ARSG: variants seen among roughly 807,000 people sequenced by gnomAD.
ARSG encodes arylsulfatase G.
A neutral mutation model predicts 50.5 loss-of-function variants in ARSG; 37 were observed. The observed-to-expected ratio is 0.73, with a 90% confidence interval of 0.56 to 0.96. The LOEUF (loss-of-function observed/expected upper bound fraction) is 0.96. Ranked by LOEUF, ARSG falls within the 50% of genes least tolerant of loss-of-function variation. ARSG has a pLI of 0.00. For missense variants in ARSG, 629 were observed against 675.3 expected (o/e 0.93, Z 0.76); for synonymous variants, 225 against 254.6 (o/e 0.88, Z 1.11).
intron 3 of ARSG, 189 bp from the exon 4 acceptor site, chr17:68,346,936 G>A: frequency 6.6e-7 from 1 of 1,506,990 alleles, no homozygotes; most frequent in Non-Finnish European, 8.9e-7. Context: ...CATCCTTTAT[G>A]TGTCCCTGTG....
intron 11 of ARSG, among the ~76,000 whole-genome samples, chr17:68,402,845 G>A (rs1247788502): frequency 1.3e-5 from 2 of 152,134 alleles, no homozygotes; most frequent in East Asian, 3.9e-4. Context: ...CTAGTTTTAA[G>A]CTTTCTAAAT....
the ARSG span, chr17:68,450,706 C>A: frequency 6.3e-7 from 1 of 1,596,584 alleles, no homozygotes; most frequent in Non-Finnish European, 8.5e-7. Flanking sequence ...GCTTTGAAAC[C>A]CTGAGGGATT....
At chr17:68,401,116 C>T (rs576402936) in intron 10 of ARSG, 130 of 486,260 alleles carry the variant, frequency 2.7e-4, no homozygotes, top group African/African-American at 2.4e-3. Flanking sequence ...GTTGACCTCC[C>T]AGGCTCAAAC....
At chr17:68,450,309 G>T in the ARSG span, among the ~76,000 whole-genome samples, 899 of 152,320 alleles carry the variant, frequency 5.9e-3, 15 homozygotes, top group African/African-American at 0.02. Flanking sequence ...TCACTCTCAG[G>T]CATCTCCTGC....
At chr17:68,350,570 G>C (rs1176877357) in intron 4 of ARSG, among the ~76,000 whole-genome samples, 1 of 152,078 alleles carries the variant, frequency 6.6e-6, no homozygotes, top group African/African-American at 2.4e-5. Flanking sequence ...TGTATCACGA[G>C]GTCAGGAGAT....
In ARSG at chr17:68,367,525, C is replaced by G. The variant is rs1417880174; in HGVS notation, c.705-1023C>G. On this transcript the variant is annotated intron_variant, in intron 6 of 11. Transcript: ENST00000621439. The surrounding 1 kb of genome is among the most constrained non-coding windows in gnomAD (Gnocchi z 4.5). ...GGATGGATCTGTGGGAGAGGGGCCC[C>G]CTGAAGGTCCCTGCCACCGTTGTGA... 6.6e-6 allele frequency among the ~76,000 whole-genome samples: 1 copy of G among 152,132 alleles called. No homozygotes were observed. The highest frequency in any genetic ancestry group is 1.5e-5 in the Non-Finnish European group (1 of 68,032).
chr17:68,446,700 T>C, the ARSG span, among the ~76,000 whole-genome samples: 1 of 152,214 alleles, frequency 6.6e-6, no homozygotes, highest in Non-Finnish European at 1.5e-5. Flanking sequence ...GATATCCTCT[T>C]GTGTCCCCTC....
At chr17:68,266,492 A>G (rs1207077678) in intron 1 of ARSG, among the ~76,000 whole-genome samples, 2 of 146,412 alleles carry the variant, frequency 1.4e-5, no homozygotes, top group Non-Finnish European at 3.0e-5. Context: ...TTTTGTATAA[A>G]AAGTATACAA....
At chr17:68,450,545 C>T in the ARSG span, among the ~76,000 whole-genome samples, 3 of 152,208 alleles carry the variant, frequency 2.0e-5, no homozygotes, top group African/African-American at 2.4e-5. Flanking sequence ...GGGAAAACAA[C>T]GTTACAACCA....
intron 8 of ARSG, among the ~76,000 whole-genome samples, chr17:68,377,051 G>A (rs1026131653): frequency 1.3e-5 from 2 of 152,096 alleles, no homozygotes; most frequent in Admixed American, 6.5e-5. Context: ...TAGTAGAGAC[G>A]GGGTTTCACC....
At chr17:68,268,963 C>T (rs2075239991) in intron 1 of ARSG, 1 of 1,497,238 alleles carries the variant, frequency 6.7e-7, no homozygotes, top group Non-Finnish European at 9.0e-7. Context: ...GTGCTCTTCA[C>T]ATACACATTC....
the ARSG span, chr17:68,434,770 T>C: frequency 7.9e-6 from 6 of 757,722 alleles, no homozygotes; most frequent in African/African-American, 3.5e-5. Flanking sequence ...GGCATGTTTA[T>C]TTATGTGCCA....
the ARSG span, chr17:68,434,513 C>G: frequency 4.4e-6 from 7 of 1,608,736 alleles, no homozygotes; most frequent in African/African-American, 2.7e-5. Flanking sequence ...CCCTGCGGGA[C>G]TTCTGCGGGG....
chr17:68,357,597 A>G (rs1417355160), intron 6 of ARSG, among the ~76,000 whole-genome samples: 2 of 152,180 alleles, frequency 1.3e-5, no homozygotes, highest in Admixed American at 1.3e-4. Context: ...CAGGAATTAG[A>G]CCCTGCTTAT....
chr17:68,420,906 T>C (rs1414192334), downstream of ARSG: 1 of 174,710 alleles, frequency 5.7e-6, no homozygotes, highest in Admixed American at 5.5e-5. Flanking sequence ...TCCATTCTAA[T>C]TAGTATTTAG....
At chr17:68,428,504 A>G in the ARSG span, 2 of 225,666 alleles carry the variant, frequency 8.9e-6, no homozygotes. Context: ...AAGTGCCGGG[A>G]TTACAGGTGT....
intron 2 of ARSG, among the ~76,000 whole-genome samples, chr17:68,341,701 C>T (rs1315435669): frequency 6.6e-6 from 1 of 152,150 alleles, no homozygotes; most frequent in Non-Finnish European, 1.5e-5. Flanking sequence ...TCTTGTCACT[C>T]AATGTCTTGT....
upstream of ARSG, among the ~76,000 whole-genome samples, chr17:68,289,192 A>T (rs903621700): frequency 2.0e-5 from 3 of 152,126 alleles, no homozygotes; most frequent in Admixed American, 6.6e-5. Flanking sequence ...CAAAAAAATT[A>T]AAAAATGAGG....
rs1354282470 is a variant in ARSG at position 68,342,385 on chromosome 17, G to C, written c.219-1219G>C. On this transcript the variant is annotated intron_variant, in intron 2 of 11. Transcript: ENST00000621439. ...TTTTTTTTTTTTGAGTTGGAGTCTTGCTCTGTCACCCAGGCTGGAGTGCAG... is the reference window on the plus strand; with the variant it reads ...TTTTTTTTTTTTGAGTTGGAGTCTTCCTCTGTCACCCAGGCTGGAGTGCAG... Among the ~76,000 whole-genome samples the C allele has an allele frequency of 4.6e-5, 6 of 131,532 alleles. No homozygotes were observed. The East Asian group carries it at 1.3e-3, about 29-fold the overall frequency. 86.3% of individuals were successfully genotyped at this position (131,532 alleles called of 152,430 possible).
Sources: allele counts gnomAD v4.1 joint callset (sites outside exome capture counted in the v4.1 genomes callset), GRCh38; gene constraint gnomAD v4.1.1; non-coding constraint Gnocchi (gnomAD v3.1); transcripts MANE v1.5; gene names NCBI Gene and HGNC (gene_info 2026-07-23, HGNC 2026-07-21).